PPIP5K2: variants seen among roughly 807,000 people sequenced by gnomAD.
PPIP5K2 encodes the protein diphosphoinositol pentakisphosphate kinase 2.
Under a neutral mutation model 154.6 loss-of-function variants are expected in PPIP5K2, and 105 were observed. The observed-to-expected ratio is 0.68, with a 90% CI of 0.58 to 0.80. The LOEUF is 0.80. PPIP5K2 is among the 30% of genes least tolerant of loss of function. The pLI, the probability that PPIP5K2 is intolerant of heterozygous loss-of-function variation, is 0.00. For missense variants in PPIP5K2, 992 were observed against 1,504.6 expected (o/e 0.66, Z 5.64); for synonymous variants, 480 against 490.3 (o/e 0.98, Z 0.28).
rs548324285 is a variant in PPIP5K2 at position 103,189,196 on chromosome 5, G to A, written c.3353-1646G>A. The A allele has an allele frequency of 4.6e-5, 70 of 1,531,430 alleles. 1 individual carries two copies. The Middle Eastern group carries it at 2.3e-3, about 51-fold the overall frequency. The allele number at this position is 1,531,430 out of a possible 1,614,324, so 94.9% of individuals were successfully genotyped here. A position where few individuals can be genotyped will look rare whatever the true frequency, so the allele number is the denominator to read the frequency against. On this transcript the variant is annotated intron_variant, in intron 28 of 30. Coordinates refer to ENST00000358359, the MANE Select transcript of PPIP5K2 (RefSeq NM_001276277.3). ...CCTACACCTCTATAGGTGCTGGTCC[G>A]TTTCCTCTGTGGAATTTCTAGGCTC...
intron 8 of PPIP5K2, 77 bp downstream of exon 8, chr5:103,149,390 GC>G: frequency 7.5e-7 from 1 of 1,331,536 alleles, no homozygotes; most frequent in Non-Finnish European, 1.0e-6. Flanking sequence ...CATTATTGGT[GC>G]TTATAATTGG....
rs1554223762 is a variant in PPIP5K2, at chr5:103,183,333, G to T, written c.3022G>T (p.Glu1008Ter). ...GTGRRRRRSG[E>*]QITSSPVSPK... ...TGGGCGTCGAAGACGCAGATCAGGG[G>T]AACAAATCACTTCTTCCCCTGTCTC... The change falls in exon 25 of 31, where the codon GAA (glutamate) becomes TAA (stop). Residue 1008 changes from glutamate (E) to a stop codon, truncating the protein, a stop_gained. Transcript: ENST00000358359. LOFTEE classifies it high-confidence loss of function. 1 of 1,608,710 alleles carries T rather than the reference G, an allele frequency of 6.2e-7. No individual in the cohort carries two copies. Among genetic ancestry groups the T allele is most frequent in the South Asian group, 1.1e-5 (1 of 90,480 alleles).
chr5:103,172,450 G>A (rs112549609), intron 19 of PPIP5K2, among the ~76,000 whole-genome samples: 2,562 of 151,050 alleles, frequency 0.017, 86 homozygotes, highest in African/African-American at 0.057. Flanking sequence ...GAGAGAGAAG[G>A]TATATGTGTT....
intron 28 of PPIP5K2, among the ~76,000 whole-genome samples, chr5:103,189,387 T>C (rs1014808146): frequency 1.3e-5 from 2 of 152,128 alleles, no homozygotes; most frequent in African/African-American, 2.4e-5. Flanking sequence ...TTATAAAATC[T>C]AGCAGGCAAA....
At position 103,177,780 on chromosome 5, in the gene PPIP5K2, CAG is replaced by C. The variant is rs1798934246; in HGVS notation, c.2637+9_2637+10del. The C allele has an allele frequency of 3.7e-6, 6 of 1,601,704 alleles. No homozygotes were observed. The highest frequency in any genetic ancestry group is 5.1e-6 in the Non-Finnish European group (6 of 1,170,280). On this transcript the variant is annotated splice_region_variant and intron_variant, in intron 22 of 30. Transcript: ENST00000358359. ...TTTATGAGGATCCTAATAAGGTAAA[CAG>C]AGCTCTTGATTTGTGTTTTACCAGA... is the stretch of plus-strand genomic sequence containing the variant.
intron 17 of PPIP5K2, among the ~76,000 whole-genome samples, chr5:103,162,155 C>A (rs1474735338): frequency 6.6e-6 from 1 of 152,076 alleles, no homozygotes; most frequent in African/African-American, 2.4e-5. Flanking sequence ...ATTGTGGCTT[C>A]AATGTCTATT....
At chr5:103,187,858 A>G (rs1235037025) in intron 28 of PPIP5K2, among the ~76,000 whole-genome samples, 4 of 152,174 alleles carry the variant, frequency 2.6e-5, no homozygotes, top group African/African-American at 9.7e-5. Flanking sequence ...CTGGTGATGC[A>G]TATTTCACTG....
chr5:103,175,680 A>G (rs57064376), intron 21 of PPIP5K2, among the ~76,000 whole-genome samples: 7,845 of 152,044 alleles, frequency 0.052, 516 homozygotes, highest in African/African-American at 0.16. Flanking sequence ...GGCTTTGGTT[A>G]TTGTGTGGAC....
Position 103,211,358 on chromosome 5 carries a change from A to G in PPIP5K2, c.*9724A>G, listed in dbSNP as rs573247829. ...AAATTGTCCCTAGAAAACTAGAGTGATCATAGGGATCAGATGACATGTTAC... is the reference window on the plus strand; with the variant it reads ...AAATTGTCCCTAGAAAACTAGAGTGGTCATAGGGATCAGATGACATGTTAC... On this transcript the variant is annotated 3_prime_UTR_variant, in exon 31 of 31. Coordinates refer to ENST00000358359, the MANE Select transcript of PPIP5K2 (RefSeq NM_001276277.3). 1.3e-5 allele frequency: 2 copies of G among 152,232 alleles called. No homozygotes were observed. Among genetic ancestry groups the G allele is most frequent in the East Asian group, 3.9e-4 (2 of 5,192 alleles). The allele number at this position is 152,232 out of a possible 1,614,324, so 9.4% of individuals were successfully genotyped here.
In PPIP5K2 at chr5:103,143,301, G is replaced by C. The variant is rs114132593; in HGVS notation, c.488-3226G>C. On this transcript the variant is annotated intron_variant, in intron 5 of 30. Transcript: ENST00000358359. The stretch of plus-strand genomic sequence containing the variant: ...TAGCCTCGACTCCCAAGTGATTCTC[G>C]CACTTCAGCTTCCTGAGTAGCTGGG... Among the ~76,000 whole-genome samples the C allele has an allele frequency of 1.5e-3, 222 of 152,242 alleles. 1 individual carries two copies. The highest frequency in any genetic ancestry group is 5.2e-3 in the African/African-American group (218 of 41,526).
chr5:103,144,541 A>G (rs1562400653), intron 5 of PPIP5K2, among the ~76,000 whole-genome samples: 1 of 152,226 alleles, frequency 6.6e-6, no homozygotes, highest in African/African-American at 2.4e-5. Context: ...GCTAAGCTAT[A>G]GTAACCAAAA....
rs782572643 is a variant in PPIP5K2, at chr5:103,186,356, T to C, written c.3206T>C (p.Leu1069Pro). The change falls in exon 27 of 31, where the codon CTC becomes CCC. Residue 1069 changes from leucine (L) to proline (P), a missense_variant. This residue lies in a region of PPIP5K2 where 204 missense variants were observed against 224.0 expected (regional missense o/e 0.91). Coordinates refer to ENST00000358359, the MANE Select transcript of PPIP5K2 (RefSeq NM_001276277.3). ...HCAGLFSTSVLGGSSSAPNLQ... is the reference protein window; with the variant it reads ...HCAGLFSTSVPGGSSSAPNLQ... ...GCGGGCCTGTTTAGCACCTCGGTGC[T>C]CGGGGGTTCTTCAAGCGCACCTAAC... 5.0e-6 allele frequency: 8 copies of C among 1,613,912 alleles called. No individual in the cohort carries two copies. The highest frequency in any genetic ancestry group is 6.8e-6 in the Non-Finnish European group (8 of 1,179,886).
chr5:103,159,242 C>T lies in PPIP5K2; in HGVS notation c.1834C>T (p.Leu612=). The change falls in exon 17 of 31, where the codon CTG becomes TTG. Residue 612 remains leucine (L), a synonymous_variant. Coordinates refer to ENST00000358359, the MANE Select transcript of PPIP5K2 (RefSeq NM_001276277.3). The part of the protein sequence containing the change: ...NGLLDSDSDS[L]SSCQQRVKAR... Reference sequence around the variant, plus strand: ...TCTTTTGGATAGTGATAGTGACTCTCTGAGCAGTTGTCAGCAACGTGTGAA... The same window carrying T: ...TCTTTTGGATAGTGATAGTGACTCTTTGAGCAGTTGTCAGCAACGTGTGAA... 3 of 1,613,144 alleles carry T rather than the reference C, an allele frequency of 1.9e-6. No individual in the cohort carries two copies. The highest frequency in any genetic ancestry group is 2.5e-6 in the Non-Finnish European group (3 of 1,179,324).
rs1463273144 is a variant in PPIP5K2 at position 103,136,889 on chromosome 5, T to C, written c.401+67T>C. The C allele has an allele frequency of 3.7e-6, 4 of 1,091,118 alleles. No homozygotes were observed. The Admixed American group carries it at 7.0e-5, about 19-fold the overall frequency. 67.6% of individuals were successfully genotyped at this position (1,091,118 alleles called of 1,614,324 possible). On this transcript the variant is annotated intron_variant, in intron 4 of 30. Coordinates refer to ENST00000358359, the MANE Select transcript of PPIP5K2 (RefSeq NM_001276277.3). ...CATTAATTTAGTACCTACTGTACAC[T>C]GACATGGCATCAGGTGTTTTTGCAT... is the stretch of plus-strand genomic sequence containing the variant.
At chr5:103,138,271 A>G (rs1341079187) in intron 4 of PPIP5K2, 113 bp from the exon 5 acceptor site, 4 of 498,534 alleles carry the variant, frequency 8.0e-6, no homozygotes, top group Middle Eastern at 3.1e-4. Context: ...GTGTTGAGAT[A>G]TATACCCTTT....
In PPIP5K2 at chr5:103,204,793, A is replaced by G. The variant is rs1803412251; in HGVS notation, c.*3159A>G. 1 of 152,070 alleles carries G rather than the reference A, an allele frequency of 6.6e-6. No individual in the cohort carries two copies. The highest frequency in any genetic ancestry group is 2.1e-4 in the South Asian group (1 of 4,834). 9.4% of individuals were successfully genotyped at this position (152,070 alleles called of 1,614,324 possible). A position where few individuals can be genotyped will look rare whatever the true frequency, so the allele number is the denominator to read the frequency against. ...TTCAGAGAACAGAGCACATTAAAAA[A>G]TCTATTTAGTATTGTGTACTATATA... On this transcript the variant is annotated 3_prime_UTR_variant, in exon 31 of 31. Transcript: ENST00000358359.
rs575347761 is a variant in PPIP5K2 at position 103,120,315 on chromosome 5, T to A, written c.-458T>A. On this transcript the variant is annotated 5_prime_UTR_variant, in exon 1 of 31. Coordinates refer to ENST00000358359, the MANE Select transcript of PPIP5K2 (RefSeq NM_001276277.3). ...ATTCCTGAGGTGTAGTAGCCTGAGGTTCCCTTATGTGGCCCTATAGCTGTT... is the reference window on the plus strand; with the variant it reads ...ATTCCTGAGGTGTAGTAGCCTGAGGATCCCTTATGTGGCCCTATAGCTGTT... 11 of 417,304 alleles carry A rather than the reference T, an allele frequency of 2.6e-5. No individual in the cohort carries two copies. The highest frequency in any genetic ancestry group is 2.2e-4 in the African/African-American group (11 of 49,282). The allele number at this position is 417,304 out of a possible 1,614,324, so 25.9% of individuals were successfully genotyped here. A position where few individuals can be genotyped will look rare whatever the true frequency, so the allele number is the denominator to read the frequency against.
At chr5:103,136,035 G>A (rs558875561) in intron 3 of PPIP5K2, 4 of 139,902 alleles carry the variant, frequency 2.9e-5, no homozygotes, top group South Asian at 2.3e-4. Context: ...ACAATGGCAC[G>A]ATCTCCACTC....
chr5:103,184,045 T>G (rs1799980301), intron 25 of PPIP5K2, among the ~76,000 whole-genome samples: 1 of 152,108 alleles, frequency 6.6e-6, no homozygotes, highest in South Asian at 2.1e-4. Context: ...ACAATATGGG[T>G]CAAAATAAAA....
Sources: allele counts gnomAD v4.1 joint callset (sites outside exome capture counted in the v4.1 genomes callset), GRCh38; gene constraint gnomAD v4.1.1; regional missense constraint gnomAD v4.1.1; transcripts MANE v1.5; gene names NCBI Gene and HGNC (gene_info 2026-07-23, HGNC 2026-07-21).